The following NCOR2 variants were observed in gnomAD, a reference collection of about 807,000 sequenced individuals.
The protein encoded by NCOR2 is nuclear receptor corepressor 2, also known as CTG repeat protein 26.
In NCOR2, 81 loss-of-function variants were observed where a neutral mutation model predicts 262.9. The observed-to-expected ratio is 0.31, with a 90% CI of 0.26 to 0.37. NCOR2 has a LOEUF of 0.37. Among genes scored for constraint, NCOR2 ranks in the 10% least tolerant of loss-of-function variants. The pLI is 1.00. For synonymous variants in NCOR2, 1,659 were observed against 1,559.3 expected (o/e 1.06, Z -1.51); for missense variants, 3,385 against 3,621.4 (o/e 0.93, Z 1.68).
chr12:124,544,863 G>A (rs1381531555), intron 1 of NCOR2, among the ~76,000 whole-genome samples: 2 of 151,902 alleles, frequency 1.3e-5, no homozygotes, highest in Non-Finnish European at 2.9e-5. Flanking sequence ...TGTGTGTGCT[G>A]CTCAACTTCG....
At chr12:124,491,098 C>T (rs1324636624) in intron 1 of NCOR2, among the ~76,000 whole-genome samples, 4 of 152,246 alleles carry the variant, frequency 2.6e-5, no homozygotes, top group African/African-American at 9.6e-5. Context: ...CCTGGCTGAG[C>T]TGCTTTCACA....
intron 5 of NCOR2, 99 bp downstream of exon 7, chr12:124,466,074 C>A (rs1389413457): frequency 5.0e-6 from 6 of 1,195,658 alleles, no homozygotes; most frequent in Non-Finnish European, 7.0e-6. Context: ...GGTCCCCTCC[C>A]CACATAGATG....
chr12:124,336,982 G>A lies in NCOR2; in HGVS notation c.5886C>T (p.Ala1962=), dbSNP rs373049355. ...AGGAGGCGGGCTCCAGCCCGGAGCG[G>A]GCTGGGGGCTTGGCGAGGAAGGCAT... Residue 1962 remains alanine, a synonymous_variant, in exon 38 of 47, where the codon GCC becomes GCT. Coordinates refer to ENST00000405201, the Ensembl canonical transcript of NCOR2. The A allele has an allele frequency of 7.9e-6, 12 of 1,513,546 alleles. No individual in the cohort carries two copies. In the Admixed American group the frequency reaches 2.7e-4, roughly 34 times the overall value. The allele number at this position is 1,513,546 out of a possible 1,614,324, so 93.8% of individuals were successfully genotyped here.
chr12:124,537,087 A>G (rs2051136596), upstream of NCOR2, among the ~76,000 whole-genome samples: 1 of 152,206 alleles, frequency 6.6e-6, no homozygotes, highest in Non-Finnish European at 1.5e-5. Flanking sequence ...AAGACAAAAC[A>G]ACTTTCACAT....
chr12:124,378,112 C>T lies in NCOR2; in HGVS notation c.2167+125G>A. On this transcript the variant is annotated intron_variant, in intron 18 of 46. Transcript: ENST00000405201. This position sits in a 1 kb window ranked among gnomAD's most constrained non-coding sequence, Gnocchi z 4.2. Reference sequence around the variant, plus strand: ...GCCCGCACCTTCCAGGGAGTCGAGGCCCCTTCTAAGGAGGACCCAGATGAC... The same window carrying T: ...GCCCGCACCTTCCAGGGAGTCGAGGTCCCTTCTAAGGAGGACCCAGATGAC... The T allele has an allele frequency of 1.3e-6, 2 of 1,502,464 alleles. No homozygotes were observed. The highest frequency in any genetic ancestry group is 2.3e-5 in the East Asian group (1 of 43,810). The allele number at this position is 1,502,464 out of a possible 1,614,324, so 93.1% of individuals were successfully genotyped here. A position where few individuals can be genotyped will look rare whatever the true frequency, so the allele number is the denominator to read the frequency against.
intron 3 of NCOR2, among the ~76,000 whole-genome samples, chr12:124,477,839 C>G (rs2047190501): frequency 6.6e-6 from 1 of 152,022 alleles, no homozygotes; most frequent in African/African-American, 2.4e-5. Flanking sequence ...CAGTGGGTAC[C>G]TCTTACTCAT....
chr12:124,486,566 G>A (rs371190775), exon 2 of NCOR2: 13 of 1,569,658 alleles, frequency 8.3e-6, no homozygotes, highest in African/African-American at 5.4e-5. Context: ...GGAGCCCGAC[G>A]TCCTGCAGGA....
At chr12:124,374,177 G>T (rs184994267) in intron 19 of NCOR2, among the ~76,000 whole-genome samples, 112 of 152,374 alleles carry the variant, frequency 7.4e-4, no homozygotes, top group African/African-American at 2.4e-3. Flanking sequence ...AAGCGTACCA[G>T]TGAAAATCAG....
At chr12:124,401,566 C>A (rs562349288) in intron 14 of NCOR2, among the ~76,000 whole-genome samples, 1 of 152,368 alleles carries the variant, frequency 6.6e-6, no homozygotes, top group Non-Finnish European at 1.5e-5. Flanking sequence ...CGGGCATCAT[C>A]TTAGACATTG....
chr12:124,501,050 G>T (rs7487131), intron 1 of NCOR2, among the ~76,000 whole-genome samples: 1 of 30,534 alleles, frequency 3.3e-5, no homozygotes, highest in South Asian at 1.1e-3. Context: ...GCACGAGCGC[G>T]CGCGCACGCG....
At chr12:124,343,791 T>C (rs2036670520) in intron 32 of NCOR2, among the ~76,000 whole-genome samples, 1 of 152,092 alleles carries the variant, frequency 6.6e-6, no homozygotes, top group Admixed American at 6.5e-5. Context: ...CACACCCGGT[T>C]ATTTTTTTGT....
chr12:124,398,808 C>A (rs564461996), intron 15 of NCOR2, among the ~76,000 whole-genome samples: 10 of 152,374 alleles, frequency 6.6e-5, no homozygotes, highest in Admixed American at 4.6e-4. Flanking sequence ...GGCGGAGAAG[C>A]CCTGCTCCAG....
At chr12:124,362,075 C>T in intron 22 of NCOR2, 51 bp downstream of exon 24, 1 of 1,250,098 alleles carries the variant, frequency 8.0e-7, no homozygotes. Context: ...CATCCCTTGC[C>T]CGTCAGTCCC....
chr12:124,517,916 T>A lies in NCOR2; in HGVS notation c.-118+17649A>T, dbSNP rs569843578. On this transcript the variant is annotated intron_variant, in intron 1 of 46. Transcript: ENST00000404621. The surrounding 1 kb of genome is among the most constrained non-coding windows in gnomAD (Gnocchi z 7.6). ...CCAGGGGAGGGTCCAGCTGCCCCCA[T>A]TGGCTGACCTGCGGCCGGCCACTCA... is the stretch of plus-strand genomic sequence containing the variant. 7.9e-5 allele frequency among the ~76,000 whole-genome samples: 12 copies of A among 152,206 alleles called. No homozygotes were observed. The highest frequency in any genetic ancestry group is 2.4e-4 in the African/African-American group (10 of 41,538).
exon 41 of NCOR2, chr12:124,334,558 G>A (rs750356539): frequency 4.9e-6 from 7 of 1,416,940 alleles, no homozygotes; most frequent in African/African-American, 3.0e-5. Context: ...AGAGGGGGGC[G>A]GGCAGGGGTG....
At chr12:124,484,618 A>G (rs2047678050) in intron 2 of NCOR2, among the ~76,000 whole-genome samples, 1 of 152,142 alleles carries the variant, frequency 6.6e-6, no homozygotes, top group South Asian at 2.1e-4. Flanking sequence ...CTCCTGCCCC[A>G]GGGCCTTTGC....
At chr12:124,429,807 G>A in intron 9 of NCOR2, 101 bp from the exon 12 acceptor site, 1 of 1,165,898 alleles carries the variant, frequency 8.6e-7, no homozygotes, top group Non-Finnish European at 1.2e-6. Context: ...CCCCAGAGGA[G>A]AAGTGTGGGC....
intron 44 of NCOR2, among the ~76,000 whole-genome samples, chr12:124,330,118 C>T (rs1355042403): frequency 2.0e-5 from 3 of 152,214 alleles, no homozygotes; most frequent in African/African-American, 7.2e-5. Flanking sequence ...TCCATCCTGG[C>T]CTCAGCTTCC....
rs1057054880 is a variant in NCOR2 at position 124,483,842 on chromosome 12, A to G, written c.234-69T>C. ...TCTGAGAACTCCCGAGGCCCCGACC[A>G]CCCTCTGCGCCGAGCATCTACTGCG... On this transcript the variant is annotated intron_variant, in intron 2 of 46. Coordinates refer to ENST00000405201, the Ensembl canonical transcript of NCOR2. This position sits in a 1 kb window ranked among gnomAD's most constrained non-coding sequence, Gnocchi z 6.3. 4.1e-6 allele frequency: 6 copies of G among 1,447,312 alleles called. No individual in the cohort carries two copies. Among genetic ancestry groups the G allele is most frequent in the East Asian group, 2.6e-5 (1 of 39,190 alleles). 89.7% of individuals were successfully genotyped at this position (1,447,312 alleles called of 1,614,324 possible).
Sources: gnomAD v4.1 joint callset for allele counts (sites outside exome capture counted in the v4.1 genomes callset) on GRCh38, gnomAD v4.1.1 for gene constraint, Gnocchi (gnomAD v3.1) non-coding constraint, MANE v1.5 for transcripts, NCBI Gene and HGNC (gene_info 2026-07-23, HGNC 2026-07-21) for gene names.